The following SPANXN2 variants were observed in gnomAD, a reference collection of about 807,000 sequenced individuals.
SPANXN2 encodes sperm protein associated with the nucleus on the X chromosome N2.
SPANXN2 carries 1 observed loss-of-function variant against 2.0 expected under a neutral mutation model. That is an observed-to-expected ratio of 0.50 (90% CI 0.18 to 2.36). The LOEUF (loss-of-function observed/expected upper bound fraction) is 2.36. Ranked by LOEUF, SPANXN2 falls within the 30% of genes most tolerant of loss-of-function variation. The probability of loss-of-function intolerance (pLI) is 0.26; values close to 1 mark genes in which losing one functional copy is unlikely to be tolerated. For missense variants in SPANXN2, 88 were observed against 116.7 expected (o/e 0.75, Z 1.13); for synonymous variants, 43 against 49.8 (o/e 0.86, Z 0.58).
At chrX:143,716,618 C>G (rs781804024) in intron 1 of SPANXN2, among the ~76,000 whole-genome samples, 1 of 112,200 alleles carries the variant, frequency 8.9e-6, no homozygotes, top group African/African-American at 3.2e-5. Context: ...GACTACTCTG[C>G]CAAACATATG....
chrX:143,715,523 C>T (rs1344603998), intron 1 of SPANXN2, among the ~76,000 whole-genome samples: 1 of 109,554 alleles, frequency 9.1e-6, no homozygotes, highest in Non-Finnish European at 1.9e-5. Context: ...TCATTATCCA[C>T]CCTGTTACCT....
At chrX:143,719,974 C>A (rs1291359852) in intron 1 of SPANXN2, among the ~76,000 whole-genome samples, 1 of 110,873 alleles carries the variant, frequency 9.0e-6, no homozygotes, top group African/African-American at 3.3e-5. Flanking sequence ...CATCCTTCTC[C>A]TCTGCCAAGT....
At chrX:143,714,457 T>C (rs1232528140) in intron 1 of SPANXN2, among the ~76,000 whole-genome samples, 1 of 111,433 alleles carries the variant, frequency 9.0e-6, no homozygotes, top group Non-Finnish European at 1.9e-5. Context: ...CCCAGGTCCA[T>C]GAGAACACCC....
In SPANXN2 at chrX:143,715,008, G is replaced by T. The variant is rs782006252; in HGVS notation, c.79-2509C>A. ...TGGGCAAAAGCCTAGCCTAATCCCA[G>T]GACACTCTGGAAATCTTGCCCCATC... is the stretch of plus-strand genomic sequence containing the variant. On this transcript the variant is annotated intron_variant, in intron 1 of 1. Coordinates refer to ENST00000598475, the Ensembl canonical transcript of SPANXN2. Among the ~76,000 whole-genome samples, 10 of 111,314 alleles carry T rather than the reference G, an allele frequency of 9.0e-5. No homozygotes were observed. The South Asian group carries it at 1.9e-3, about 22-fold the overall frequency.
chrX:143,716,324 C>T (rs1434460909), intron 1 of SPANXN2, among the ~76,000 whole-genome samples: 1 of 110,563 alleles, frequency 9.0e-6, no homozygotes, highest in Admixed American at 9.6e-5. Flanking sequence ...ATGAAAGGAG[C>T]CAATTTGGGA....
At chrX:143,712,608 T>C (rs782225197) in intron 1 of SPANXN2, 109 bp from the exon 2 acceptor site, 236 of 709,818 alleles carry the variant, frequency 3.3e-4, no homozygotes, top group Admixed American at 5.2e-4. Flanking sequence ...GAGGAAGGGG[T>C]TTGTGCCAGA....
intron 1 of SPANXN2, among the ~76,000 whole-genome samples, chrX:143,718,035 C>T (rs781946589): frequency 9.0e-6 from 1 of 111,694 alleles, no homozygotes; most frequent in South Asian, 3.8e-4. Flanking sequence ...TAACCAACAG[C>T]TGGTAAAGGC....
intron 1 of SPANXN2, 129 bp from the exon 2 acceptor site, chrX:143,712,628 G>A: frequency 1.6e-6 from 1 of 625,114 alleles, no homozygotes; most frequent in Non-Finnish European, 2.5e-6. Flanking sequence ...AGAAGAACAA[G>A]GTGGAATCAT....
At chrX:143,715,161 C>G (rs781900888) in intron 1 of SPANXN2, among the ~76,000 whole-genome samples, 124 of 111,461 alleles carry the variant, frequency 1.1e-3, no homozygotes, top group African/African-American at 3.5e-3. Context: ...CACCTCGGAA[C>G]CCAGGGTAAT....
chrX:143,717,993 C>T (rs1273352800), intron 1 of SPANXN2, among the ~76,000 whole-genome samples: 1 of 111,993 alleles, frequency 8.9e-6, no homozygotes, highest in Admixed American at 9.5e-5. Context: ...CCTCTTGCAT[C>T]CAGTCAGACA....
intron 1 of SPANXN2, among the ~76,000 whole-genome samples, chrX:143,714,735 A>C (rs1218407591): frequency 8.9e-6 from 1 of 112,206 alleles, no homozygotes; most frequent in Non-Finnish European, 1.9e-5. Flanking sequence ...TCAGACCCAG[A>C]CATTTGAAAA....
At chrX:143,720,390 G>A (rs1412334937) in intron 1 of SPANXN2, among the ~76,000 whole-genome samples, 8 of 94,669 alleles carry the variant, frequency 8.5e-5, no homozygotes, top group South Asian at 5.8e-4. Context: ...ATATCCTGCC[G>A]GGCAGCAAGC....
At chrX:143,717,206 C>G (rs1932282689) in intron 1 of SPANXN2, among the ~76,000 whole-genome samples, 1 of 112,004 alleles carries the variant, frequency 8.9e-6, no homozygotes, top group Admixed American at 9.4e-5. Flanking sequence ...GAAAGAGGGT[C>G]AACATTTACA....
rs782636851 is a variant in SPANXN2, at chrX:143,716,653, G to A, written c.78+3938C>T. 1.1e-4 allele frequency among the ~76,000 whole-genome samples: 12 copies of A among 112,027 alleles called. 1 individual carries two copies. Among genetic ancestry groups the A allele is most frequent in the East Asian group, 2.8e-4 (1 of 3,523 alleles). ...GGCAACGCCCCAGAAGCCATTGCAC[G>A]CCTCTCAAAACAACTGGACTCTGTC... On this transcript the variant is annotated intron_variant, in intron 1 of 1. Transcript: ENST00000598475.
At chrX:143,719,117 TC>T (rs1218528228) in intron 1 of SPANXN2, among the ~76,000 whole-genome samples, 3 of 107,231 alleles carry the variant, frequency 2.8e-5, no homozygotes, top group African/African-American at 7.0e-5. Flanking sequence ...TAATCACCTT[TC>T]CCCCCCCACC....
intron 1 of SPANXN2, among the ~76,000 whole-genome samples, chrX:143,714,059 T>A (rs1287487851): frequency 3.7e-5 from 4 of 108,886 alleles, no homozygotes; most frequent in African/African-American, 1.3e-4. Context: ...CCTCCTGCCC[T>A]CTCCCATTCC....
At position 143,712,357 on chromosome X, in the gene SPANXN2, C is replaced by T. The variant is rs782224699; in HGVS notation, c.221G>A (p.Arg74Gln). 37 of 1,211,435 alleles carry T rather than the reference C, an allele frequency of 3.1e-5. No individual in the cohort carries two copies. The highest frequency in any genetic ancestry group is 1.7e-4 in the African/African-American group (10 of 57,573). ...TTGGACTGGATTGATGGAGTTCTCT[C>T]GGGACTGGTCCTTCTCCAGTTGATT... The change falls in exon 2 of 2, where the codon CGA becomes CAA. Residue 74 changes from arginine (R) to glutamine (Q), a missense_variant. Physicochemically the swap from Arg to Gln is conservative, Grantham distance 43. Coordinates refer to ENST00000598475, the Ensembl canonical transcript of SPANXN2.
chrX:143,717,471 T>C (rs1363488358), intron 1 of SPANXN2, among the ~76,000 whole-genome samples: 9 of 111,179 alleles, frequency 8.1e-5, no homozygotes, highest in Non-Finnish European at 1.7e-4. Flanking sequence ...CCCATCGTTA[T>C]TGCTCATTTT....
chrX:143,719,708 A>G (rs1932328965), intron 1 of SPANXN2, among the ~76,000 whole-genome samples: 1 of 110,889 alleles, frequency 9.0e-6, no homozygotes, highest in Non-Finnish European at 1.9e-5. Flanking sequence ...CAGACCATCC[A>G]GGTTCCTTTA....
Sources: gnomAD v4.1 joint callset for allele counts (sites outside exome capture counted in the v4.1 genomes callset) on GRCh38, gnomAD v4.1.1 for gene constraint, MANE v1.5 for transcripts, NCBI Gene and HGNC (gene_info 2026-07-23, HGNC 2026-07-21) for gene names.